DYRK4: variants seen among roughly 807,000 people sequenced by gnomAD.
DYRK4 encodes the protein dual specificity tyrosine-phosphorylation-regulated kinase 4.
DYRK4 carries 64 observed loss-of-function variants against 68.3 expected under a neutral mutation model. The observed-to-expected ratio is 0.94, with a 90% CI of 0.77 to 1.15. The LOEUF (loss-of-function observed/expected upper bound fraction) is 1.15, where lower values mean the gene tolerates loss of function less well. Ranked by LOEUF, DYRK4 falls within the 50% of genes most tolerant of loss-of-function variation. The probability of loss-of-function intolerance (pLI) is 0.00; values close to 1 mark genes in which losing one functional copy is unlikely to be tolerated. For synonymous variants in DYRK4, 274 were observed against 289.9 expected (o/e 0.95, Z 0.56); for missense variants, 740 against 764.7 (o/e 0.97, Z 0.38).
At position 4,610,160 on chromosome 12, in the gene DYRK4, A is replaced by G; in HGVS notation, c.1366A>G (p.Lys456Glu). 3 of 1,593,102 alleles carry G rather than the reference A, an allele frequency of 1.9e-6. No individual in the cohort carries two copies. Among genetic ancestry groups the G allele is most frequent in the Non-Finnish European group, 2.6e-6 (3 of 1,173,032 alleles). ...ASRRQTFFDS[K>E]GFPKNITNNR... Reference sequence around the variant, plus strand: ...AGAATGTTCTATCTCTACAGATTCCAAAGGTTTTCCTAAAAATATAACCAA... The same window carrying G: ...AGAATGTTCTATCTCTACAGATTCCGAAGGTTTTCCTAAAAATATAACCAA... Residue 456 changes from lysine to glutamate, a missense_variant, in exon 13 of 15, where the codon AAA becomes GAA. Physicochemically the swap from Lys to Glu is moderately conservative, Grantham distance 56. Transcript: ENST00000543431.
intron 2 of DYRK4, among the ~76,000 whole-genome samples, chr12:4,583,788 A>T (rs1308501110): frequency 6.8e-6 from 1 of 146,524 alleles, no homozygotes; most frequent in African/African-American, 2.8e-5. Context: ...TCATACAAAG[A>T]AGTAGTGTCA....
Position 4,599,000 on chromosome 12 carries a change from T to C in DYRK4, c.906-28T>C, listed in dbSNP as rs144805509. 721 of 1,613,500 alleles carry C rather than the reference T, an allele frequency of 4.5e-4. 3 individuals are homozygous for C. In the African/African-American group the frequency reaches 8.5e-3, roughly 19 times the overall value. On this transcript the variant is annotated intron_variant, in intron 8 of 14. Transcript: ENST00000543431. ...AGCCTTATATGTTTTTTTACACCCA[T>C]ATGCATCACTTTTCCCCTCTTTTCC...
At chr12:4,609,054 G>A (rs1338586039) in intron 12 of DYRK4, among the ~76,000 whole-genome samples, 1 of 152,186 alleles carries the variant, frequency 6.6e-6, no homozygotes, top group East Asian at 1.9e-4. Flanking sequence ...ATAGCATCTA[G>A]GTGGGGACTA....
Position 4,613,583 on chromosome 12 carries a change from G to T in DYRK4, c.1735G>T (p.Asp579Tyr). 6.2e-7 allele frequency: 1 copy of T among 1,614,160 alleles called. No individual in the cohort carries two copies. The highest frequency in any genetic ancestry group is 8.5e-7 in the Non-Finnish European group (1 of 1,179,990). The change falls in exon 15 of 15, where the codon GAT becomes TAT. Residue 579 changes from aspartate to tyrosine, a missense_variant. Physicochemically the swap from Asp to Tyr is radical, Grantham distance 160. This residue lies in a region of DYRK4 where 614 missense variants were observed against 603.7 expected (regional missense o/e 1.02). Transcript: ENST00000543431. This position sits in a 1 kb window ranked among gnomAD's most constrained non-coding sequence, Gnocchi z 4.0. ...CACGAAGCATGTTCAGCATTCAGGT[G>T]ATCAGCAGGACTGTCTCCAGCACGG... Reference protein sequence around the residue: ...SPTKHVQHSGDQQDCLQHGAD... With the variant: ...SPTKHVQHSGYQQDCLQHGAD...
In DYRK4 at chr12:4,568,665, C is replaced by T. The variant is rs575415004; in HGVS notation, c.132+617C>T. ...CCTCCCAAAGGGCTGGGATTACAGGCGTGAGCCACCACGCCTGGCCAAGAC... is the reference window on the plus strand; with the variant it reads ...CCTCCCAAAGGGCTGGGATTACAGGTGTGAGCCACCACGCCTGGCCAAGAC... On this transcript the variant is annotated intron_variant, in intron 2 of 14. Coordinates refer to ENST00000543431, the MANE Select transcript of DYRK4 (RefSeq NM_001394779.1). Among the ~76,000 whole-genome samples the T allele has an allele frequency of 6.6e-5, 10 of 152,282 alleles. No individual in the cohort carries two copies. The East Asian group carries it at 7.7e-4, about 12-fold the overall frequency.
At chr12:4,585,944 G>A (rs1944892150) in intron 2 of DYRK4, among the ~76,000 whole-genome samples, 2 of 152,236 alleles carry the variant, frequency 1.3e-5, no homozygotes, top group Non-Finnish European at 1.5e-5. Flanking sequence ...CTGGGGGCAT[G>A]ATGGTTCACG....
At position 4,591,701 on chromosome 12, in the gene DYRK4, C is replaced by G. The variant is rs1185154705; in HGVS notation, c.463+403C>G. On this transcript the variant is annotated intron_variant, in intron 5 of 14. Transcript: ENST00000543431. This position sits in a 1 kb window ranked among gnomAD's most constrained non-coding sequence, Gnocchi z 4.1. ...GCAGAGCAAAGGGTGCTGAAGCTTG[C>G]TCCTTCCTCTTGATAAGGAGGTGTT... 1.2e-5 allele frequency: 2 copies of G among 164,786 alleles called. No individual in the cohort carries two copies. Among genetic ancestry groups the G allele is most frequent in the Non-Finnish European group, 2.6e-5 (2 of 76,278 alleles). The allele number at this position is 164,786 out of a possible 1,614,324, so 10.2% of individuals were successfully genotyped here. A position where few individuals can be genotyped will look rare whatever the true frequency, so the allele number is the denominator to read the frequency against.
At chr12:4,563,674 G>C (rs1024089400) in intron 1 of DYRK4, among the ~76,000 whole-genome samples, 5 of 152,358 alleles carry the variant, frequency 3.3e-5, no homozygotes, top group African/African-American at 1.2e-4. Context: ...AGGCCTGGGT[G>C]TGCCATCACA....
At chr12:4,582,318 C>A (rs1944850873) in intron 2 of DYRK4, among the ~76,000 whole-genome samples, 1 of 152,198 alleles carries the variant, frequency 6.6e-6, no homozygotes, top group Non-Finnish European at 1.5e-5. Flanking sequence ...GTGGCGCGTG[C>A]CTGTAATCCC....
In DYRK4 at chr12:4,591,898, GA is replaced by G. The variant is rs1251754096; in HGVS notation, c.463+602del. ...GCTTTGCCCGTGAGGCTTGCCAGGT[GA>G]AGCCTTTGTGGATTGCCTTGTGGTC... On this transcript the variant is annotated intron_variant, in intron 5 of 14. Transcript: ENST00000543431. The surrounding 1 kb of genome is among the most constrained non-coding windows in gnomAD (Gnocchi z 4.1). 6.6e-6 allele frequency: 1 copy of G among 152,388 alleles called. No homozygotes were observed. The highest frequency in any genetic ancestry group is 1.5e-5 in the Non-Finnish European group (1 of 68,196). The allele number at this position is 152,388 out of a possible 1,614,324, so 9.4% of individuals were successfully genotyped here. A position where few individuals can be genotyped will look rare whatever the true frequency, so the allele number is the denominator to read the frequency against.
chr12:4,593,205 G>T, intron 6 of DYRK4, 40 bp downstream of exon 6: 1 of 1,602,520 alleles, frequency 6.2e-7, no homozygotes, highest in Non-Finnish European at 8.5e-7. Flanking sequence ...CAGGGGCCCA[G>T]GGACAAGAGG....
chr12:4,595,459 T>C (rs112699861), intron 6 of DYRK4, among the ~76,000 whole-genome samples: 8 of 152,348 alleles, frequency 5.3e-5, no homozygotes, highest in African/African-American at 1.7e-4. Flanking sequence ...GTATTTTTAA[T>C]AGAAAATTTC....
chr12:4,569,867 GA>G (rs1403042047), intron 2 of DYRK4, among the ~76,000 whole-genome samples: 4 of 151,910 alleles, frequency 2.6e-5, no homozygotes, highest in Non-Finnish European at 5.9e-5. Flanking sequence ...TAATTTCAAA[GA>G]AAGCAAACTC....
At chr12:4,566,984 T>C (rs1944683577) in intron 1 of DYRK4, among the ~76,000 whole-genome samples, 1 of 152,260 alleles carries the variant, frequency 6.6e-6, no homozygotes, top group South Asian at 2.1e-4. Flanking sequence ...CTGTTTTTGC[T>C]CAATACATTA....
chr12:4,596,214 A>G lies in DYRK4; in HGVS notation c.693A>G (p.Gly231=). 4.3e-6 allele frequency: 7 copies of G among 1,614,164 alleles called. No individual in the cohort carries two copies. The highest frequency in any genetic ancestry group is 5.9e-6 in the Non-Finnish European group (7 of 1,180,040). ...AGACAATCGGGAAGGGGTCCTTTGG[A>G]CAGGTGGCCAAGTGCTTGGATCACA... is the stretch of plus-strand genomic sequence containing the variant. The part of the protein sequence containing the change: ...VLETIGKGSF[G]QVAKCLDHKN... Residue 231 remains glycine, a synonymous_variant, in exon 7 of 15, where the codon GGA becomes GGG. Coordinates refer to ENST00000543431, the MANE Select transcript of DYRK4 (RefSeq NM_001394779.1).
intron 1 of DYRK4, among the ~76,000 whole-genome samples, chr12:4,564,174 A>G (rs1472774239): frequency 6.6e-6 from 1 of 152,244 alleles, no homozygotes; most frequent in Non-Finnish European, 1.5e-5. Context: ...ACATTTAGAT[A>G]GAAGAAATAA....
At chr12:4,566,646 G>C (rs974011753) in intron 1 of DYRK4, among the ~76,000 whole-genome samples, 2 of 152,226 alleles carry the variant, frequency 1.3e-5, no homozygotes, top group African/African-American at 4.8e-5. Flanking sequence ...AGTTTTCTTT[G>C]AGGGCAGAGA....
rs757838690 is a variant in DYRK4 at position 4,613,649 on chromosome 12, A to G, written c.1801A>G (p.Lys601Glu). 2 of 1,613,868 alleles carry G rather than the reference A, an allele frequency of 1.2e-6. No homozygotes were observed. Among genetic ancestry groups the G allele is most frequent in the Non-Finnish European group, 8.5e-7 (1 of 1,179,700 alleles). ...GCTGCCTCAACTGGTAGACGCTCCCAAGAAGTCAGAGGCAGCTGTCGGGGC... is the reference window on the plus strand; with the variant it reads ...GCTGCCTCAACTGGTAGACGCTCCCGAGAAGTCAGAGGCAGCTGTCGGGGC... ...VQLPQLVDAP[K>E]KSEAAVGAEV... Residue 601 changes from lysine (K) to glutamate (E), a missense_variant, in exon 15 of 15, where the codon AAG (lysine) becomes GAG (glutamate). Physicochemically the swap from Lys to Glu is moderately conservative, Grantham distance 56 (BLOSUM62 1). Transcript: ENST00000543431. This position sits in a 1 kb window ranked among gnomAD's most constrained non-coding sequence, Gnocchi z 4.0.
intron 2 of DYRK4, among the ~76,000 whole-genome samples, chr12:4,571,462 T>C (rs2137324122): frequency 6.6e-6 from 1 of 152,324 alleles, no homozygotes; most frequent in South Asian, 2.1e-4. Context: ...TGGTGGCCCT[T>C]GGCATGTATC....
Sources: gnomAD v4.1 joint callset for allele counts (sites outside exome capture counted in the v4.1 genomes callset) on GRCh38, gnomAD v4.1.1 for gene constraint, gnomAD v4.1.1 regional missense constraint, Gnocchi (gnomAD v3.1) non-coding constraint, MANE v1.5 for transcripts, NCBI Gene and HGNC (gene_info 2026-07-23, HGNC 2026-07-21) for gene names.